CENPP: variants seen among roughly 807,000 people sequenced by gnomAD.
CENPP encodes the protein centromere protein P.
A neutral mutation model predicts 35.6 loss-of-function variants in CENPP; 24 were observed. That is an observed-to-expected ratio of 0.67 (90% CI 0.49 to 0.95). The LOEUF is 0.95. Among genes scored for constraint, CENPP ranks in the 40% least tolerant of loss-of-function variants. The pLI is 0.00. For synonymous variants in CENPP, 120 were observed against 125.5 expected (o/e 0.96, Z 0.29); for missense variants, 332 against 345.3 (o/e 0.96, Z 0.31).
At position 92,613,894 on chromosome 9, in the gene CENPP, G is replaced by A. The variant is rs1851349198; in HGVS notation, c.*745G>A. 6.6e-6 allele frequency: 1 copy of A among 152,208 alleles called. No individual in the cohort carries two copies. The highest frequency in any genetic ancestry group is 6.5e-5 in the Admixed American group (1 of 15,272). 9.4% of individuals were successfully genotyped at this position (152,208 alleles called of 1,614,324 possible). ...CGCCCATTTAGCATTGTTAAGATCTGTGAACGCGTGTTGTCTCAAACCAGT... is the reference window on the plus strand; with the variant it reads ...CGCCCATTTAGCATTGTTAAGATCTATGAACGCGTGTTGTCTCAAACCAGT... On this transcript the variant is annotated 3_prime_UTR_variant, in exon 8 of 8. Transcript: ENST00000375587.
chr9:92,396,584 G>A lies in CENPP; in HGVS notation c.564+16725G>A, dbSNP rs562568814. 8.9e-5 allele frequency among the ~76,000 whole-genome samples: 13 copies of A among 145,634 alleles called. 1 individual carries two copies. Among genetic ancestry groups the A allele is most frequent in the African/African-American group, 3.3e-4 (13 of 39,158 alleles). The stretch of plus-strand genomic sequence containing the variant: ...CATACCTTTATTTTTTTTTTTTTGA[G>A]ACAAGATCTCATGCTGTCACTCAGG... On this transcript the variant is annotated intron_variant, in intron 5 of 7. Transcript: ENST00000375587.
At chr9:92,608,468 C>A (rs1192640394) in intron 5 of CENPP, among the ~76,000 whole-genome samples, 1 of 152,180 alleles carries the variant, frequency 6.6e-6, no homozygotes, top group Non-Finnish European at 1.5e-5. Context: ...CAAATACAGT[C>A]ATTTATAAAA....
At chr9:92,386,945 G>A (rs1185312644) in intron 5 of CENPP, among the ~76,000 whole-genome samples, 2 of 151,742 alleles carry the variant, frequency 1.3e-5, no homozygotes, top group Non-Finnish European at 2.9e-5. Context: ...CTACTCGGGA[G>A]GCTGAGGCAG....
At position 92,543,471 on chromosome 9, in the gene CENPP, CAAAAAAAAAAAA is replaced by C. The variant is rs71362401; in HGVS notation, c.565-67825_565-67814del. Among the ~76,000 whole-genome samples, 32 of 44,538 alleles carry C rather than the reference CAAAAAAAAAAAA, an allele frequency of 7.2e-4. No homozygotes were observed. The East Asian group carries it at 0.011, about 15-fold the overall frequency. The allele number at this position is 44,538 out of a possible 152,430, so 29.2% of individuals were successfully genotyped here. A position where few individuals can be genotyped will look rare whatever the true frequency, so the allele number is the denominator to read the frequency against. On this transcript the variant is annotated intron_variant, in intron 5 of 7. Coordinates refer to ENST00000375587, the MANE Select transcript of CENPP (RefSeq NM_001012267.3). ...TGGGTGACAGAGTGAAACCCTGTCT[CAAAAAAAAAAAA>C]AAAAAAAAAAAAAAAAAGATTGCAT...
At chr9:92,374,241 C>CTGTGTGTGTGTGTG (rs10569730) in intron 4 of CENPP, among the ~76,000 whole-genome samples, 9 of 142,756 alleles carry the variant, frequency 6.3e-5, no homozygotes, top group Non-Finnish European at 1.2e-4. Context: ...TTGCTGTTTG[C>CTGTGTGTGTGTGTG]TGTGTGTGTG....
intron 5 of CENPP, among the ~76,000 whole-genome samples, chr9:92,416,058 G>GTGTGTATATATATA (rs6151074): frequency 1.5e-5 from 2 of 130,932 alleles, no homozygotes; most frequent in Non-Finnish European, 3.2e-5. Context: ...ATATATGTGT[G>GTGTGTATATATATA]TATATATATA....
chr9:92,496,590 G>C, intron 5 of CENPP: 2 of 1,376,714 alleles, frequency 1.5e-6, no homozygotes, highest in African/African-American at 1.5e-5. Flanking sequence ...AATAAAGTTG[G>C]ATCCTTATAG....
chr9:92,501,762 C>T (rs935559612), intron 5 of CENPP, among the ~76,000 whole-genome samples: 1 of 152,184 alleles, frequency 6.6e-6, no homozygotes, highest in African/African-American at 2.4e-5. Context: ...CTGAATGACA[C>T]GTGTCCCAGG....
intron 5 of CENPP, among the ~76,000 whole-genome samples, chr9:92,553,792 T>C (rs901374429): frequency 1.3e-5 from 2 of 152,214 alleles, no homozygotes; most frequent in African/African-American, 4.8e-5. Context: ...CTAAATTCTT[T>C]GATCAGTTCT....
intron 5 of CENPP, chr9:92,494,204 G>A: frequency 1.3e-6 from 2 of 1,556,806 alleles, no homozygotes; most frequent in Non-Finnish European, 1.7e-6. Context: ...ATCTGTCTCT[G>A]TGTCATCCCA....
chr9:92,378,844 GT>G (rs1016787016), intron 4 of CENPP, among the ~76,000 whole-genome samples: 3 of 152,182 alleles, frequency 2.0e-5, no homozygotes, highest in Non-Finnish European at 2.9e-5. Flanking sequence ...GTGTGGTGGT[GT>G]GGTAATTGTT....
intron 5 of CENPP, among the ~76,000 whole-genome samples, chr9:92,380,223 CTG>C (rs1306761461): frequency 2.6e-5 from 4 of 152,218 alleles, no homozygotes; most frequent in African/African-American, 4.8e-5. Context: ...GAGCCAGACT[CTG>C]TGTTTTCAGC....
intron 5 of CENPP, chr9:92,403,772 A>G (rs945321640): frequency 1.7e-6 from 1 of 605,062 alleles, no homozygotes; most frequent in Non-Finnish European, 2.1e-6. Flanking sequence ...TACCTGTAGT[A>G]TAAATAGTTA....
intron 5 of CENPP, among the ~76,000 whole-genome samples, chr9:92,514,079 G>T (rs1847525814): frequency 6.6e-6 from 1 of 151,046 alleles, no homozygotes; most frequent in Non-Finnish European, 1.5e-5. Context: ...CAATTTTTAG[G>T]ATGAAATTAA....
intron 5 of CENPP, among the ~76,000 whole-genome samples, chr9:92,549,903 G>T (rs954247983): frequency 6.6e-6 from 1 of 152,190 alleles, no homozygotes; most frequent in East Asian, 1.9e-4. Flanking sequence ...ACAAAGTACA[G>T]TACAGTTAGA....
At chr9:92,435,145 T>G (rs1210255564) in intron 5 of CENPP, among the ~76,000 whole-genome samples, 2 of 152,186 alleles carry the variant, frequency 1.3e-5, no homozygotes, top group Non-Finnish European at 2.9e-5. Context: ...GAAACTCTTA[T>G]CAGGCAATCT....
intron 5 of CENPP, among the ~76,000 whole-genome samples, chr9:92,520,912 T>TTATG (rs1286822194): frequency 1.3e-5 from 2 of 152,170 alleles, no homozygotes; most frequent in African/African-American, 4.8e-5. Flanking sequence ...AATAGGCAAA[T>TTATG]TCATAGAGAC....
intron 4 of CENPP, among the ~76,000 whole-genome samples, chr9:92,367,730 G>T (rs892796034): frequency 1.3e-4 from 20 of 152,066 alleles, no homozygotes; most frequent in Admixed American, 1.1e-3. Flanking sequence ...CGATTCTTCT[G>T]CCTCAGCCTC....
At position 92,615,934 on chromosome 9, in the gene CENPP, G is replaced by T. The variant is rs371257807; in HGVS notation, c.*2785G>T. 18 of 1,613,954 alleles carry T rather than the reference G, an allele frequency of 1.1e-5. No homozygotes were observed. Among genetic ancestry groups the T allele is most frequent in the Non-Finnish European group, 1.4e-5 (17 of 1,179,972 alleles). ...GTACAGTCTTTGAATAATAGTTGAC[G>T]ATCTTGCCGTCCAGTTTATACTGAT... On this transcript the variant is annotated 3_prime_UTR_variant, in exon 8 of 8. Transcript: ENST00000375587.
Sources: allele counts gnomAD v4.1 joint callset (sites outside exome capture counted in the v4.1 genomes callset), GRCh38; gene constraint gnomAD v4.1.1; transcripts MANE v1.5; gene names NCBI Gene and HGNC (gene_info 2026-07-23, HGNC 2026-07-21).